HECW2: variants seen among roughly 807,000 people sequenced by gnomAD.
HECW2 encodes the protein E3 ubiquitin-protein ligase HECW2.
In HECW2, 61 loss-of-function variants were observed where a neutral mutation model predicts 175.2. The observed-to-expected ratio is 0.35, with a 90% CI of 0.28 to 0.43. The LOEUF is 0.43. Ranked by LOEUF, HECW2 falls within the 20% of genes least tolerant of loss-of-function variation. The pLI is 1.00. For missense variants in HECW2, 1,524 were observed against 2,000.5 expected (o/e 0.76, Z 4.54); for synonymous variants, 671 against 731.0 (o/e 0.92, Z 1.32).
chr2:196,286,395 T>C (rs1465506115), intron 14 of HECW2, among the ~76,000 whole-genome samples: 2 of 151,246 alleles, frequency 1.3e-5, no homozygotes, highest in Non-Finnish European at 3.0e-5. Flanking sequence ...GTCATATATA[T>C]ATATATTTAA....
At chr2:196,352,030 G>C (rs992880393) in intron 2 of HECW2, among the ~76,000 whole-genome samples, 52 of 152,270 alleles carry the variant, frequency 3.4e-4, no homozygotes, top group African/African-American at 1.2e-3. Flanking sequence ...AAGACAGGTG[G>C]GTCTTCACAA....
intron 18 of HECW2, among the ~76,000 whole-genome samples, chr2:196,254,292 A>G (rs1001108986): frequency 2.6e-5 from 4 of 152,192 alleles, no homozygotes; most frequent in Non-Finnish European, 2.9e-5. Flanking sequence ...GTTTGAGTGT[A>G]CATGTTTGTT....
chr2:196,394,863 G>C (rs1694616536), intron 2 of HECW2, among the ~76,000 whole-genome samples: 1 of 152,154 alleles, frequency 6.6e-6, no homozygotes, highest in African/African-American at 2.4e-5. Flanking sequence ...ATCATAAACT[G>C]GGTAGCTTAT....
intron 14 of HECW2, 53 bp from the exon 15 acceptor site, chr2:196,278,715 CTT>C (rs1041417070): frequency 6.3e-7 from 1 of 1,596,086 alleles, no homozygotes; most frequent in African/African-American, 1.3e-5. Context: ...TCTTAGCTGA[CTT>C]ATAACATCAG....
chr2:196,285,686 TAGAC>T (rs895346137), intron 14 of HECW2, among the ~76,000 whole-genome samples: 3 of 152,228 alleles, frequency 2.0e-5, no homozygotes, highest in African/African-American at 4.8e-5. Context: ...CTTTATGTCT[TAGAC>T]AGACTCTTTG....
chr2:196,561,559 C>A (rs1408496882), intron 1 of HECW2, among the ~76,000 whole-genome samples: 1 of 152,166 alleles, frequency 6.6e-6, no homozygotes, highest in Non-Finnish European at 1.5e-5. Context: ...TTTTACGGCT[C>A]AGGAGGCATC....
chr2:196,263,701 C>G (rs1464476249), intron 17 of HECW2: 1 of 152,160 alleles, frequency 6.6e-6, no homozygotes, highest in Non-Finnish European at 1.5e-5. Flanking sequence ...TATGGTCATA[C>G]GATTCTTATG....
rs547413460 is a variant in HECW2 at position 196,319,582 on chromosome 2, G to A, written c.1308C>T (p.Cys436=). 7.1e-5 allele frequency: 114 copies of A among 1,614,236 alleles called. 2 individuals carry two copies. In the South Asian group the frequency reaches 1.1e-3, roughly 16 times the overall value. The change falls in exon 9 of 29, where the codon TGC becomes TGT. Residue 436 remains cysteine, a synonymous_variant. Transcript: ENST00000644978. ...GAGAGGCACCCATGGACCTCTCAGA[G>A]CAGGTCGCTGTCCCCGGCCTGGAGT... ...NGHSRPGTAT[C]SERSMGASPK...
At chr2:196,364,322 G>T (rs1409498485) in intron 2 of HECW2, among the ~76,000 whole-genome samples, 1 of 152,196 alleles carries the variant, frequency 6.6e-6, no homozygotes, top group Non-Finnish European at 1.5e-5. Context: ...AGATTTCCCA[G>T]CTAACCAAGA....
chr2:196,506,618 C>T lies in HECW2; in HGVS notation c.-35-73160G>A, dbSNP rs190344303. The stretch of plus-strand genomic sequence containing the variant: ...CATTCAGGTACCACCTTTTCAATTT[C>T]TGACATACTTAGATACCACTGTAGT... On this transcript the variant is annotated intron_variant, in intron 1 of 28. Coordinates refer to ENST00000644978, the MANE Select transcript of HECW2 (RefSeq NM_001348768.2). Among the ~76,000 whole-genome samples the T allele has an allele frequency of 3.3e-5, 5 of 152,064 alleles. No homozygotes were observed. The East Asian group carries it at 9.7e-4, about 29-fold the overall frequency.
intron 2 of HECW2, among the ~76,000 whole-genome samples, chr2:196,401,966 T>C (rs910949699): frequency 4.6e-5 from 7 of 151,954 alleles, no homozygotes; most frequent in South Asian, 4.2e-4. Context: ...TTTGGGAGGC[T>C]GAGGCGGGCG....
At chr2:196,569,376 A>AAACTAAACTAAACTAAAC (rs1559180288) in intron 1 of HECW2, among the ~76,000 whole-genome samples, 13 of 87,326 alleles carry the variant, frequency 1.5e-4, no homozygotes, top group African/African-American at 9.2e-4. Context: ...CTAAACTAAA[A>AAACTAAACTAAACTAAAC]TAAAATAAAA....
At chr2:196,216,374 T>C (rs1359908233) in intron 27 of HECW2, among the ~76,000 whole-genome samples, 1 of 151,906 alleles carries the variant, frequency 6.6e-6, no homozygotes, top group Non-Finnish European at 1.5e-5. Context: ...GCCTGCAATT[T>C]TGAGGCCCAG....
chr2:196,344,001 C>T (rs1692858317), intron 2 of HECW2, among the ~76,000 whole-genome samples: 1 of 152,146 alleles, frequency 6.6e-6, no homozygotes, highest in East Asian at 1.9e-4. Flanking sequence ...CCAAGGTGGT[C>T]AATGTTGCCA....
At chr2:196,450,250 A>T (rs75313782) in intron 1 of HECW2, among the ~76,000 whole-genome samples, 8 of 152,354 alleles carry the variant, frequency 5.3e-5, no homozygotes, top group African/African-American at 1.9e-4. Context: ...ATAATAGGTG[A>T]AGCAGAAGGG....
chr2:196,239,122 C>G (rs527908868), intron 21 of HECW2: 1 of 152,244 alleles, frequency 6.6e-6, no homozygotes, highest in Non-Finnish European at 1.5e-5. Flanking sequence ...CCAACTAACA[C>G]AAGTGAGAAG....
At chr2:196,562,481 G>A (rs1445010956) in intron 1 of HECW2, among the ~76,000 whole-genome samples, 1 of 152,148 alleles carries the variant, frequency 6.6e-6, no homozygotes, top group East Asian at 1.9e-4. Context: ...CTGAAAGAGG[G>A]CTTGGAAATA....
intron 1 of HECW2, among the ~76,000 whole-genome samples, chr2:196,511,622 C>T (rs1375608324): frequency 1.3e-5 from 2 of 152,128 alleles, no homozygotes; most frequent in African/African-American, 4.8e-5. Flanking sequence ...CAAATTATGA[C>T]AGATGTTATT....
At chr2:196,452,679 A>G (rs1233918494) in intron 1 of HECW2, among the ~76,000 whole-genome samples, 1 of 151,138 alleles carries the variant, frequency 6.6e-6, no homozygotes, top group East Asian at 1.9e-4. Flanking sequence ...ACAAAAGACC[A>G]CTCCTCTCCT....
Sources: allele counts gnomAD v4.1 joint callset (sites outside exome capture counted in the v4.1 genomes callset), GRCh38; gene constraint gnomAD v4.1.1; transcripts MANE v1.5; gene names NCBI Gene and HGNC (gene_info 2026-07-23, HGNC 2026-07-21).